Variants in ZMAT4 observed in about 807,000 individuals in gnomAD.
ZMAT4 encodes zinc finger matrin-type 4, also known as zinc finger matrin-type protein 4.
Under a neutral mutation model 28.7 loss-of-function variants are expected in ZMAT4, and 17 were observed. That is an observed-to-expected ratio of 0.59 (90% CI 0.41 to 0.89). The LOEUF is 0.89. Among genes scored for constraint, ZMAT4 ranks in the 40% least tolerant of loss-of-function variants. The pLI is 0.00. For missense variants in ZMAT4, 240 were observed against 283.8 expected (o/e 0.85, Z 1.11); for synonymous variants, 117 against 109.2 (o/e 1.07, Z -0.44).
At chr8:40,612,462 T>A (rs571710743) in intron 5 of ZMAT4, among the ~76,000 whole-genome samples, 2 of 138,284 alleles carry the variant, frequency 1.4e-5, no homozygotes, top group South Asian at 4.6e-4. Context: ...ACACACAGTA[T>A]CCATTCCTTA....
intron 6 of ZMAT4, among the ~76,000 whole-genome samples, chr8:40,570,765 T>A (rs1804072921): frequency 6.6e-6 from 1 of 151,694 alleles, no homozygotes; most frequent in South Asian, 2.1e-4. Flanking sequence ...CCTTGTGAAG[T>A]TTTTAAAGCC....
intron 1 of ZMAT4, among the ~76,000 whole-genome samples, chr8:40,881,183 G>A (rs1476961984): frequency 2.6e-5 from 4 of 151,934 alleles, no homozygotes; most frequent in African/African-American, 7.3e-5. Context: ...TTCAAGATCA[G>A]CCTGAGTAAC....
At chr8:40,846,364 G>A (rs1361820500) in intron 1 of ZMAT4, among the ~76,000 whole-genome samples, 2 of 152,146 alleles carry the variant, frequency 1.3e-5, no homozygotes, top group African/African-American at 4.8e-5. Flanking sequence ...GACACACAGG[G>A]AGAGCAAAGG....
chr8:40,538,062 G>C (rs1802903867), intron 6 of ZMAT4, among the ~76,000 whole-genome samples: 1 of 152,158 alleles, frequency 6.6e-6, no homozygotes, highest in African/African-American at 2.4e-5. Context: ...CTAAGAAACT[G>C]TTTCAGGCCA....
At chr8:40,556,864 G>C (rs1419667834) in intron 6 of ZMAT4, among the ~76,000 whole-genome samples, 1 of 152,098 alleles carries the variant, frequency 6.6e-6, no homozygotes, top group Non-Finnish European at 1.5e-5. Context: ...TAGCTGCTTT[G>C]AAATATAGAA....
chr8:40,560,479 T>A (rs1803700697), intron 6 of ZMAT4, among the ~76,000 whole-genome samples: 2 of 152,028 alleles, frequency 1.3e-5, no homozygotes, highest in South Asian at 4.2e-4. Context: ...GATATTTCAA[T>A]GCTTTAGCCT....
At chr8:40,665,254 G>C (rs1189813234) in intron 5 of ZMAT4, among the ~76,000 whole-genome samples, 1 of 114,054 alleles carries the variant, frequency 8.8e-6, no homozygotes, top group Non-Finnish European at 2.0e-5. Flanking sequence ...AACAAAAAAT[G>C]TAAAGCCTCT....
intron 3 of ZMAT4, among the ~76,000 whole-genome samples, chr8:40,734,450 G>C (rs4407867): frequency 6.6e-6 from 1 of 152,100 alleles, no homozygotes; most frequent in Non-Finnish European, 1.5e-5. Context: ...AAGTCTGGAA[G>C]ATTTGGGTGT....
At chr8:40,642,638 C>T (rs1807090848) in intron 5 of ZMAT4, among the ~76,000 whole-genome samples, 1 of 152,182 alleles carries the variant, frequency 6.6e-6, no homozygotes, top group Admixed American at 6.5e-5. Flanking sequence ...GCAAGTTTAG[C>T]CTCTTCCCTA....
intron 1 of ZMAT4, among the ~76,000 whole-genome samples, chr8:40,838,298 G>A (rs548126025): frequency 2.8e-4 from 43 of 152,320 alleles, no homozygotes; most frequent in African/African-American, 1.0e-3. Context: ...TGGCTCTGGG[G>A]AAAGCACGGA....
At chr8:40,850,984 A>G (rs1817084337) in intron 1 of ZMAT4, among the ~76,000 whole-genome samples, 1 of 152,240 alleles carries the variant, frequency 6.6e-6, no homozygotes. Flanking sequence ...TCATTTTAAA[A>G]TAAAAATAAA....
intron 3 of ZMAT4, among the ~76,000 whole-genome samples, chr8:40,710,084 A>G (rs1400959057): frequency 6.6e-6 from 1 of 151,704 alleles, no homozygotes; most frequent in East Asian, 1.9e-4. Flanking sequence ...TGAGATATAT[A>G]CATATAGATA....
chr8:40,720,929 T>C (rs1811059128), intron 3 of ZMAT4, among the ~76,000 whole-genome samples: 2 of 151,974 alleles, frequency 1.3e-5, no homozygotes, highest in Admixed American at 1.3e-4. Context: ...GTAGTCAATG[T>C]CATGAGAAAG....
chr8:40,630,248 T>C (rs1240928973), intron 5 of ZMAT4, among the ~76,000 whole-genome samples: 1 of 152,198 alleles, frequency 6.6e-6, no homozygotes, highest in Non-Finnish European at 1.5e-5. Context: ...TACTTTTATT[T>C]GTATACTTCA....
In ZMAT4 at chr8:40,658,604, G is replaced by T. The variant is rs145819791; in HGVS notation, c.577+16100C>A. Among the ~76,000 whole-genome samples the T allele has an allele frequency of 5.1e-3, 684 of 135,168 alleles. 6 individuals are homozygous for T. The highest frequency in any genetic ancestry group is 0.019 in the African/African-American group (643 of 33,908). The allele number at this position is 135,168 out of a possible 152,430, so 88.7% of individuals were successfully genotyped here. A position where few individuals can be genotyped will look rare whatever the true frequency, so the allele number is the denominator to read the frequency against. On this transcript the variant is annotated intron_variant, in intron 5 of 6. Transcript: ENST00000297737. The stretch of plus-strand genomic sequence containing the variant: ...GTTTAGTTATCAAGGACAGGTTTAG[G>T]CAGCGTTAGACACATACACACACAC...
At chr8:40,791,456 T>C (rs1814320000) in intron 2 of ZMAT4, among the ~76,000 whole-genome samples, 1 of 152,228 alleles carries the variant, frequency 6.6e-6, no homozygotes, top group South Asian at 2.1e-4. Flanking sequence ...TCATGTATAC[T>C]ATCAATAGCC....
chr8:40,812,041 G>T (rs567658775), intron 2 of ZMAT4, among the ~76,000 whole-genome samples: 11 of 152,336 alleles, frequency 7.2e-5, no homozygotes, highest in Admixed American at 4.6e-4. Flanking sequence ...TGAGGCAGGA[G>T]AATTGCTTGA....
chr8:40,780,053 C>G (rs1178836879), intron 2 of ZMAT4, among the ~76,000 whole-genome samples: 1 of 152,074 alleles, frequency 6.6e-6, no homozygotes, highest in Non-Finnish European at 1.5e-5. Context: ...TTCTCCTCTT[C>G]CTAACCACCT....
chr8:40,643,834 C>A (rs1467281394), intron 5 of ZMAT4, among the ~76,000 whole-genome samples: 2 of 144,400 alleles, frequency 1.4e-5, no homozygotes, highest in African/African-American at 2.5e-5. Context: ...GAAAAAAAAA[C>A]TATGCAAAGG....
Sources: gnomAD v4.1 joint callset for allele counts (sites outside exome capture counted in the v4.1 genomes callset) on GRCh38, gnomAD v4.1.1 for gene constraint, MANE v1.5 for transcripts, NCBI Gene and HGNC (gene_info 2026-07-23, HGNC 2026-07-21) for gene names.